The following SYCP2L variants were observed in gnomAD, a reference collection of about 807,000 sequenced individuals.
SYCP2L encodes the protein synaptonemal complex protein 2-like.
A neutral mutation model predicts 125.8 loss-of-function variants in SYCP2L; 98 were observed. The observed-to-expected ratio is 0.78, with a 90% CI of 0.66 to 0.92. SYCP2L has a LOEUF of 0.92. SYCP2L is among the 40% of genes least tolerant of loss of function. The probability of loss-of-function intolerance (pLI) is 0.00; values close to 1 mark genes in which losing one functional copy is unlikely to be tolerated. For missense variants in SYCP2L, 842 were observed against 936.4 expected (o/e 0.90, Z 1.32); for synonymous variants, 317 against 325.4 (o/e 0.97, Z 0.28).
At chr6:10,923,577 G>C (rs1168729590) in intron 14 of SYCP2L, among the ~76,000 whole-genome samples, 10 of 151,528 alleles carry the variant, frequency 6.6e-5, no homozygotes, top group South Asian at 4.2e-4. Context: ...GTAGAGATAG[G>C]GTTTCAGTGT....
intron 8 of SYCP2L, among the ~76,000 whole-genome samples, chr6:10,904,333 C>T (rs989388264): frequency 6.6e-6 from 1 of 152,190 alleles, no homozygotes; most frequent in African/African-American, 2.4e-5. Flanking sequence ...CCTGAACCCA[C>T]GACTGCGCTA....
intron 14 of SYCP2L, among the ~76,000 whole-genome samples, chr6:10,916,468 T>C (rs999538193): frequency 3.9e-5 from 6 of 152,350 alleles, no homozygotes; most frequent in African/African-American, 1.4e-4. Context: ...CTGTGAACTT[T>C]CCTCTTAGCA....
At position 10,955,201 on chromosome 6, in the gene SYCP2L, A is replaced by G; in HGVS notation, c.2040A>G (p.Glu680=). 6.2e-7 allele frequency: 1 copy of G among 1,611,512 alleles called. No individual in the cohort carries two copies. The highest frequency in any genetic ancestry group is 8.5e-7 in the Non-Finnish European group (1 of 1,177,618). Residue 680 remains glutamate (E), a synonymous_variant, in exon 24 of 30, where the codon GAA becomes GAG. Transcript: ENST00000283141. ...CGGGATCCCCTTTCTCAATAACAGA[A>G]GAAAGAGAGTTGCCAGGTAACATCA... ...VAPGSPFSIT[E]ERELPEGIST... is the part of the protein sequence containing the mutation.
intron 1 of SYCP2L, among the ~76,000 whole-genome samples, chr6:10,890,623 T>C (rs1426967868): frequency 2.0e-5 from 3 of 152,238 alleles, no homozygotes; most frequent in Non-Finnish European, 4.4e-5. Flanking sequence ...TTTGCAAATA[T>C]ATTCTCCCAT....
intron 25 of SYCP2L, 108 bp downstream of exon 25, chr6:10,956,350 T>TA: frequency 1.2e-6 from 1 of 859,140 alleles, no homozygotes; most frequent in African/African-American, 1.7e-5. Flanking sequence ...TATTGAAATC[T>TA]AAAAAAAGTT....
intron 14 of SYCP2L, among the ~76,000 whole-genome samples, chr6:10,918,533 C>CT (rs151009735): frequency 0.21 from 31,876 of 150,728 alleles, 4,093 homozygotes; most frequent in East Asian, 0.39. Flanking sequence ...CGGGCTCTGA[C>CT]TTTTTTTTTC....
rs1581812658 is a variant in SYCP2L at position 10,890,826 on chromosome 6, G to C, written c.10-687G>C. Among the ~76,000 whole-genome samples, 3 of 152,090 alleles carry C rather than the reference G, an allele frequency of 2.0e-5. No homozygotes were observed. The East Asian group carries it at 5.8e-4, about 29-fold the overall frequency. ...TAGTAGTTTGGGATCTTAAGTGTAA[G>C]CTTTTAGTTTATTTTGAGTTGATTT... On this transcript the variant is annotated intron_variant, in intron 1 of 29. Coordinates refer to ENST00000283141, the MANE Select transcript of SYCP2L (RefSeq NM_001040274.3).
At chr6:10,891,434 T>TGG in intron 1 of SYCP2L, 79 bp from the exon 2 acceptor site, 1 of 879,522 alleles carries the variant, frequency 1.1e-6, no homozygotes, top group Non-Finnish European at 1.7e-6. Flanking sequence ...TTTTTTTTTT[T>TGG]TTTTGCTTTG....
Position 10,907,274 on chromosome 6 carries a change from C to A in SYCP2L, c.677-268C>A, listed in dbSNP as rs189967967. Among the ~76,000 whole-genome samples the A allele has an allele frequency of 5.4e-4, 81 of 151,246 alleles. 1 individual carries two copies. In the East Asian group the frequency reaches 0.015, roughly 27 times the overall value. On this transcript the variant is annotated intron_variant, in intron 9 of 29. Transcript: ENST00000283141. ...CAGGAGAATCACTTGACCCAGGAGG[C>A]AAAGGTTGCAGTGAGTCGAGATTGG...
intron 26 of SYCP2L, 65 bp from the exon 27 acceptor site, chr6:10,961,240 A>C: frequency 7.8e-7 from 1 of 1,283,140 alleles, no homozygotes; most frequent in Admixed American, 1.8e-5. Context: ...CAGATGACTT[A>C]TTAAGAAAGT....
chr6:10,924,229 A>G (rs1430714166), intron 14 of SYCP2L, among the ~76,000 whole-genome samples: 1 of 152,220 alleles, frequency 6.6e-6, no homozygotes, highest in Non-Finnish European at 1.5e-5. Flanking sequence ...AGAAGACAAA[A>G]CTATCTTCAT....
chr6:10,928,915 C>CTTT (rs751666059), intron 18 of SYCP2L, among the ~76,000 whole-genome samples: 29 of 141,636 alleles, frequency 2.0e-4, no homozygotes, highest in African/African-American at 7.0e-4. Flanking sequence ...CTTTTCTTTA[C>CTTT]TTTTTTTTTT....
chr6:10,957,084 C>A (rs533471996), intron 25 of SYCP2L, among the ~76,000 whole-genome samples: 23 of 152,176 alleles, frequency 1.5e-4, no homozygotes, highest in Non-Finnish European at 2.1e-4. Context: ...CTGCTTCAGC[C>A]TCCCAAACTG....
intron 21 of SYCP2L, among the ~76,000 whole-genome samples, chr6:10,938,242 A>G (rs1042994601): frequency 3.9e-5 from 6 of 152,216 alleles, no homozygotes; most frequent in African/African-American, 1.2e-4. Context: ...CCTGAGATTC[A>G]AGGAAGTTTC....
rs560751486 is a variant in SYCP2L, at chr6:10,935,389, C to T, written c.1813+202C>T. Among the ~76,000 whole-genome samples, 3 of 152,188 alleles carry T rather than the reference C, an allele frequency of 2.0e-5. No homozygotes were observed. In the South Asian group the frequency reaches 6.2e-4, roughly 32 times the overall value. On this transcript the variant is annotated intron_variant, in intron 21 of 29. Transcript: ENST00000283141. ...CTGTGCCATTTGAGATCATCTTGTACCCAAGAATTGCTGGTCTCTTCTTTT... is the reference window on the plus strand; with the variant it reads ...CTGTGCCATTTGAGATCATCTTGTATCCAAGAATTGCTGGTCTCTTCTTTT...
intron 10 of SYCP2L, among the ~76,000 whole-genome samples, chr6:10,908,727 C>G (rs1427884396): frequency 1.3e-5 from 2 of 152,138 alleles, no homozygotes; most frequent in East Asian, 3.9e-4. Context: ...AGCCTACTGT[C>G]ATATACTGCA....
At chr6:10,926,781 C>CTTTTTTTTT (rs774954530) in intron 16 of SYCP2L, among the ~76,000 whole-genome samples, 1 of 136,438 alleles carries the variant, frequency 7.3e-6, no homozygotes, top group Non-Finnish European at 1.6e-5. Flanking sequence ...GATTTCTTTT[C>CTTTTTTTTT]TTTTTTTTTT....
At position 10,898,005 on chromosome 6, in the gene SYCP2L, G is replaced by A; in HGVS notation, c.337-6G>A. On this transcript the variant is annotated splice_region_variant and splice_polypyrimidine_tract_variant and intron_variant, in intron 4 of 29. Coordinates refer to ENST00000283141, the MANE Select transcript of SYCP2L (RefSeq NM_001040274.3). ...TATGTAGTTACGTTAGTGTCCTCCT[G>A]TGTACCTAGTTTCCTGGTTTGAAAG... The A allele has an allele frequency of 1.2e-6, 2 of 1,606,492 alleles. No homozygotes were observed. Among genetic ancestry groups the A allele is most frequent in the Non-Finnish European group, 1.7e-6 (2 of 1,173,118 alleles).
chr6:10,910,742 A>T (rs1780592250), intron 11 of SYCP2L, 82 bp from the exon 12 acceptor site: 2 of 1,447,510 alleles, frequency 1.4e-6, no homozygotes, highest in Non-Finnish European at 1.9e-6. Context: ...TACTCTAGTT[A>T]TAAGTGCTTG....
Sources: allele counts gnomAD v4.1 joint callset (sites outside exome capture counted in the v4.1 genomes callset), GRCh38; gene constraint gnomAD v4.1.1; transcripts MANE v1.5; gene names NCBI Gene and HGNC (gene_info 2026-07-23, HGNC 2026-07-21).